The following ARHGEF28 variants were observed in gnomAD, a reference collection of about 807,000 sequenced individuals.
ARHGEF28 encodes 190 kDa guanine nucleotide exchange factor.
ARHGEF28 carries 152 observed loss-of-function variants against 206.6 expected under a neutral mutation model. The observed-to-expected ratio is 0.74, with a 90% CI of 0.64 to 0.84. The LOEUF is 0.84. ARHGEF28 is among the 40% of genes least tolerant of loss of function. The probability of loss-of-function intolerance (pLI) is 0.00; values close to 1 mark genes in which losing one functional copy is unlikely to be tolerated. For missense variants in ARHGEF28, 2,028 were observed against 2,073.2 expected (o/e 0.98, Z 0.42); for synonymous variants, 763 against 776.4 (o/e 0.98, Z 0.29).
rs143381640 is a variant in ARHGEF28 at position 73,633,318 on chromosome 5, C to T, written c.-12+6996C>T. ...GGTTGGGGACCTCTGGTGTAGAGCACAGATCTGTCCCCCTTTCTTCTAGGG... is the reference window on the plus strand; with the variant it reads ...GGTTGGGGACCTCTGGTGTAGAGCATAGATCTGTCCCCCTTTCTTCTAGGG... On this transcript the variant is annotated intron_variant, in intron 1 of 35. Coordinates refer to ENST00000513042, the MANE Select transcript of ARHGEF28 (RefSeq NM_001177693.2). 1.5e-4 allele frequency among the ~76,000 whole-genome samples: 23 copies of T among 152,220 alleles called. No homozygotes were observed. The East Asian group carries it at 4.4e-3, about 29-fold the overall frequency.
intron 26 of ARHGEF28, among the ~76,000 whole-genome samples, chr5:73,889,694 A>G (rs1761512151): frequency 6.6e-6 from 1 of 152,270 alleles, no homozygotes; most frequent in African/African-American, 2.4e-5. Context: ...CTCCTACATT[A>G]GAGGTCTTCA....
chr5:73,935,326 A>G (rs1282363761), intron 35 of ARHGEF28, among the ~76,000 whole-genome samples: 6 of 152,190 alleles, frequency 3.9e-5, no homozygotes, highest in Admixed American at 3.9e-4. Flanking sequence ...CAGTATTGGC[A>G]TATGAAGAAT....
chr5:73,850,353 C>T (rs1758627818), intron 13 of ARHGEF28, among the ~76,000 whole-genome samples: 1 of 151,856 alleles, frequency 6.6e-6, no homozygotes. Flanking sequence ...AGAAAAGTTA[C>T]AAGAGAAAGA....
At chr5:73,862,644 T>G (rs1317898025) in intron 16 of ARHGEF28, among the ~76,000 whole-genome samples, 1 of 152,166 alleles carries the variant, frequency 6.6e-6, no homozygotes, top group Non-Finnish European at 1.5e-5. Flanking sequence ...ATTTAATATC[T>G]TTTTATTTCC....
chr5:73,909,011 G>A (rs1397873873), intron 33 of ARHGEF28: 1 of 159,448 alleles, frequency 6.3e-6, no homozygotes, highest in Non-Finnish European at 1.4e-5. Context: ...AAGTTCTCAT[G>A]AATGATTGAC....
chr5:73,686,715 G>T (rs1445073569), intron 2 of ARHGEF28, among the ~76,000 whole-genome samples: 1 of 151,754 alleles, frequency 6.6e-6, no homozygotes, highest in Non-Finnish European at 1.5e-5. Flanking sequence ...GTACAGACAG[G>T]GTTTCACCGT....
intron 7 of ARHGEF28, among the ~76,000 whole-genome samples, chr5:73,792,805 T>C (rs1236920056): frequency 6.6e-6 from 1 of 152,226 alleles, no homozygotes; most frequent in Non-Finnish European, 1.5e-5. Context: ...TCTGCATCTA[T>C]GTAGTGGGAC....
chr5:73,846,504 T>G, intron 12 of ARHGEF28, 29 bp downstream of exon 12: 1 of 1,594,362 alleles, frequency 6.3e-7, no homozygotes, highest in Non-Finnish European at 8.6e-7. Flanking sequence ...ATTTGGTATA[T>G]TGCAAGTGTG....
rs1032784486 is a variant in ARHGEF28, at chr5:73,873,173, G to A, written c.2741G>A (p.Arg914Gln). 8.7e-6 allele frequency: 14 copies of A among 1,612,376 alleles called. No individual in the cohort carries two copies. Among genetic ancestry groups the A allele is most frequent in the Non-Finnish European group, 1.2e-5 (14 of 1,179,282 alleles). The change falls in exon 22 of 36, where the codon CGA (arginine) becomes CAA (glutamine). Residue 914 changes from arginine to glutamine, a missense_variant. Transcript: ENST00000513042. ...CATTTCTTCTACAGTATGAAGGAAC[G>A]AAGGCAGGAATCCTGTGCTGGCAGC... ...HRHFFYSMKE[R>Q]RQESCAGSDR...
At position 73,752,977 on chromosome 5, in the gene ARHGEF28, A is replaced by T; in HGVS notation, c.250A>T (p.Met84Leu). The T allele has an allele frequency of 6.2e-7, 1 of 1,613,846 alleles. No homozygotes were observed. The highest frequency in any genetic ancestry group is 8.5e-7 in the Non-Finnish European group (1 of 1,179,828). The change falls in exon 4 of 36, where the codon ATG (methionine) becomes TTG (leucine). Residue 84 changes from methionine to leucine, a missense_variant. Met to Leu is a conservative substitution (Grantham distance 15). Coordinates refer to ENST00000513042, the MANE Select transcript of ARHGEF28 (RefSeq NM_001177693.2). ...LCSEGYSPVT[M>L]GSGSVTYVDN... ...CTCGGAAGGTTACTCTCCGGTGACCATGGGCTCTGGCTCAGTGACCTACGT... is the reference window on the plus strand; with the variant it reads ...CTCGGAAGGTTACTCTCCGGTGACCTTGGGCTCTGGCTCAGTGACCTACGT...
At chr5:73,677,274 A>T (rs1421678278) in intron 1 of ARHGEF28, among the ~76,000 whole-genome samples, 1 of 152,150 alleles carries the variant, frequency 6.6e-6, no homozygotes, top group African/African-American at 2.4e-5. Context: ...AGGGACTTGG[A>T]AAGGAATCGT....
chr5:73,794,299 C>T, intron 7 of ARHGEF28, 103 bp from the exon 8 acceptor site: 2 of 899,552 alleles, frequency 2.2e-6, no homozygotes, highest in Non-Finnish European at 1.7e-6. Flanking sequence ...TATCTCTGTG[C>T]AGAAGGCTCC....
intron 1 of ARHGEF28, among the ~76,000 whole-genome samples, chr5:73,666,290 G>T (rs1745951641): frequency 6.6e-6 from 1 of 152,214 alleles, no homozygotes; most frequent in Non-Finnish European, 1.5e-5. Context: ...GTCTCAGGAA[G>T]CCCTGCCCTA....
chr5:73,696,617 C>T (rs7705536), intron 2 of ARHGEF28, among the ~76,000 whole-genome samples: 4,205 of 152,190 alleles, frequency 0.028, 206 homozygotes, highest in African/African-American at 0.093. Flanking sequence ...TCTTTATAAA[C>T]GAATATTCAT....
chr5:73,882,957 T>C (rs1401294134), intron 23 of ARHGEF28, among the ~76,000 whole-genome samples: 1 of 152,174 alleles, frequency 6.6e-6, no homozygotes, highest in African/African-American at 2.4e-5. Context: ...CATCATATAA[T>C]TTCATCTGTA....
At chr5:73,924,375 T>A (rs1188533337) in intron 35 of ARHGEF28, among the ~76,000 whole-genome samples, 4 of 152,222 alleles carry the variant, frequency 2.6e-5, no homozygotes. Context: ...ACTTACTTGG[T>A]GTCTCAGTTT....
intron 11 of ARHGEF28, among the ~76,000 whole-genome samples, chr5:73,845,814 G>A: frequency 6.6e-6 from 1 of 151,504 alleles, no homozygotes. Flanking sequence ...GGGCAACATG[G>A]CAAAAAACAC....
intron 9 of ARHGEF28, among the ~76,000 whole-genome samples, chr5:73,828,617 T>C (rs1018823518): frequency 1.3e-5 from 2 of 151,824 alleles, no homozygotes; most frequent in African/African-American, 4.8e-5. Context: ...CTTTCCTTTC[T>C]TTTTTCCTTT....
chr5:73,782,644 C>T (rs1343535766), intron 7 of ARHGEF28, among the ~76,000 whole-genome samples: 3 of 152,142 alleles, frequency 2.0e-5, no homozygotes, highest in East Asian at 1.9e-4. Flanking sequence ...GGGTGACACT[C>T]GCTACTGGCT....
Sources: allele counts gnomAD v4.1 joint callset (sites outside exome capture counted in the v4.1 genomes callset), GRCh38; gene constraint gnomAD v4.1.1; transcripts MANE v1.5; gene names NCBI Gene and HGNC (gene_info 2026-07-23, HGNC 2026-07-21).